MCTP1: variants seen among roughly 807,000 people sequenced by gnomAD.
MCTP1 encodes the protein multiple C2 and transmembrane domain-containing protein 1.
Under a neutral mutation model 120.6 loss-of-function variants are expected in MCTP1, and 69 were observed. The observed-to-expected ratio is 0.57, with a 90% confidence interval of 0.47 to 0.70. The LOEUF (loss-of-function observed/expected upper bound fraction) is 0.70. Among genes scored for constraint, MCTP1 ranks in the 30% least tolerant of loss-of-function variants. The pLI, the probability that MCTP1 is intolerant of heterozygous loss-of-function variation, is 0.00. For missense variants in MCTP1, 1,203 were observed against 1,248.8 expected, an observed-to-expected ratio of 0.96 and a Z score of 0.55; for synonymous variants, 529 against 493.1, an observed-to-expected ratio of 1.07 and a Z score of -0.96.
intron 2 of MCTP1, among the ~76,000 whole-genome samples, chr5:94,961,255 C>A (rs1824088610): frequency 6.9e-6 from 1 of 144,398 alleles, no homozygotes; most frequent in African/African-American, 2.6e-5. Flanking sequence ...GGGAACATCA[C>A]ACACTGGGGG....
intron 4 of MCTP1, among the ~76,000 whole-genome samples, chr5:94,941,911 ATGGCTCGAG>A (rs1817820975): frequency 6.6e-6 from 1 of 152,032 alleles, no homozygotes; most frequent in African/African-American, 2.4e-5. Flanking sequence ...AGATTCTACC[ATGGCTCGAG>A]TGACAAGAGA....
At chr5:94,935,786 C>A (rs1816042283) in intron 5 of MCTP1, among the ~76,000 whole-genome samples, 2 of 152,006 alleles carry the variant, frequency 1.3e-5, no homozygotes, top group South Asian at 2.1e-4. Context: ...TTACATAATT[C>A]TCATTTTCTG....
At chr5:94,814,955 T>C (rs1784199003) in intron 17 of MCTP1, among the ~76,000 whole-genome samples, 1 of 152,174 alleles carries the variant, frequency 6.6e-6, no homozygotes, top group Non-Finnish European at 1.5e-5. Flanking sequence ...TCCTCAGTGA[T>C]GTCTGTCGCC....
chr5:94,867,994 T>A (rs1797139702), intron 17 of MCTP1: 1 of 170,892 alleles, frequency 5.9e-6, no homozygotes, highest in South Asian at 1.9e-4. Context: ...AGATTATTAC[T>A]ATTATTATTT....
rs1244130434 is a variant in MCTP1, at chr5:94,888,895, C to T, written c.1917G>A (p.Met639Ile). The T allele has an allele frequency of 6.2e-6, 10 of 1,612,462 alleles. No homozygotes were observed. Among genetic ancestry groups the T allele is most frequent in the Non-Finnish European group, 8.5e-6 (10 of 1,178,640 alleles). ...QVKVIRAEGL[M>I]AADVTGKSDP... ...ATCTCTTACCAGTGACGTCGGCAGC[C>T]ATTAACCCTTCCGCTCTGATGACTT... Residue 639 changes from methionine to isoleucine, a missense_variant, in exon 12 of 23, where the codon ATG (methionine) becomes ATA (isoleucine). Met to Ile is a conservative substitution (Grantham distance 10, BLOSUM62 1). Transcript: ENST00000515393.
chr5:95,009,312 G>A (rs915098582), intron 2 of MCTP1, among the ~76,000 whole-genome samples: 8 of 152,012 alleles, frequency 5.3e-5, no homozygotes, highest in African/African-American at 1.9e-4. Context: ...TACACAGATT[G>A]CTCTTAAATT....
In MCTP1 at chr5:94,788,184, A is replaced by G. The variant is rs908675751; in HGVS notation, c.2557-9021T>C. Among the ~76,000 whole-genome samples the G allele has an allele frequency of 3.9e-5, 6 of 152,202 alleles. No homozygotes were observed. The South Asian group carries it at 1.2e-3, about 32-fold the overall frequency. The stretch of plus-strand genomic sequence containing the variant: ...CATTCAGTTAGTTTTTAAAGAACTG[A>G]TAGAGTATACTAGTTTCTTTTTGTT... On this transcript the variant is annotated intron_variant, in intron 18 of 22. Coordinates refer to ENST00000515393, the MANE Select transcript of MCTP1 (RefSeq NM_024717.7).
intron 2 of MCTP1, among the ~76,000 whole-genome samples, chr5:94,958,178 T>A (rs2153549477): frequency 6.6e-6 from 1 of 152,064 alleles, no homozygotes; most frequent in Non-Finnish European, 1.5e-5. Context: ...AATGAGTAAA[T>A]AACAAAATTA....
intron 7 of MCTP1, among the ~76,000 whole-genome samples, chr5:94,920,354 G>A (rs1249393759): frequency 6.7e-6 from 1 of 150,100 alleles, no homozygotes; most frequent in African/African-American, 2.5e-5. Context: ...TAAAAATGGA[G>A]ATAATTCCTG....
chr5:94,845,169 G>C (rs1792042844), intron 17 of MCTP1, among the ~76,000 whole-genome samples: 1 of 152,140 alleles, frequency 6.6e-6, no homozygotes, highest in Non-Finnish European at 1.5e-5. Flanking sequence ...CTGCTATGAA[G>C]ATATACCCAA....
chr5:95,083,618 A>AGATACAACAAC (rs796692529), intron 1 of MCTP1, among the ~76,000 whole-genome samples: 5 of 152,258 alleles, frequency 3.3e-5, no homozygotes, highest in African/African-American at 1.2e-4. Context: ...CTGCTACCAC[A>AGATACAACAAC]TTGTCTAAAA....
At chr5:95,086,152 T>C (rs1170814349) in intron 1 of MCTP1, among the ~76,000 whole-genome samples, 1 of 152,156 alleles carries the variant, frequency 6.6e-6, no homozygotes, top group Non-Finnish European at 1.5e-5. Context: ...CATGAAGCAT[T>C]ACCAACAATA....
At chr5:94,993,294 A>G (rs1263386703) in intron 2 of MCTP1, among the ~76,000 whole-genome samples, 1 of 152,230 alleles carries the variant, frequency 6.6e-6, no homozygotes, top group Non-Finnish European at 1.5e-5. Context: ...TCAACTATGA[A>G]GAAAATTTCA....
intron 1 of MCTP1, among the ~76,000 whole-genome samples, chr5:95,220,871 T>C (rs569339988): frequency 3.9e-5 from 6 of 152,332 alleles, no homozygotes; most frequent in African/African-American, 1.4e-4. Context: ...ATTATTGCCA[T>C]AACATCTCCC....
intron 17 of MCTP1, among the ~76,000 whole-genome samples, chr5:94,859,180 A>G (rs1353315745): frequency 1.3e-5 from 2 of 151,736 alleles, no homozygotes. Context: ...GTGCACACTC[A>G]GTTAAGCTAG....
chr5:95,031,939 C>T (rs898472733), intron 1 of MCTP1, among the ~76,000 whole-genome samples: 5 of 152,046 alleles, frequency 3.3e-5, no homozygotes, highest in African/African-American at 1.2e-4. Flanking sequence ...ACTGTGGTTG[C>T]TATTCTTGTA....
At chr5:94,860,542 A>G (rs1795580938) in intron 17 of MCTP1, among the ~76,000 whole-genome samples, 1 of 151,828 alleles carries the variant, frequency 6.6e-6, no homozygotes, top group Non-Finnish European at 1.5e-5. Context: ...AATTTTGCAT[A>G]AAGATCACAA....
chr5:94,957,665 G>A (rs1258859055), intron 2 of MCTP1, among the ~76,000 whole-genome samples: 1 of 151,878 alleles, frequency 6.6e-6, no homozygotes, highest in Non-Finnish European at 1.5e-5. Flanking sequence ...TAAAAAAAAA[G>A]AGAAAGAAGG....
chr5:94,917,760 A>T, intron 8 of MCTP1, 136 bp downstream of exon 8: 1 of 613,550 alleles, frequency 1.6e-6, no homozygotes, highest in Non-Finnish European at 2.9e-6. Context: ...GAAAAAAATT[A>T]AGATTACAAT....
Sources: allele counts gnomAD v4.1 joint callset (sites outside exome capture counted in the v4.1 genomes callset), GRCh38; gene constraint gnomAD v4.1.1; transcripts MANE v1.5; gene names NCBI Gene and HGNC (gene_info 2026-07-23, HGNC 2026-07-21).